The following MAD1L1 variants were observed in gnomAD, a reference collection of about 807,000 sequenced individuals.
MAD1L1 encodes mitotic spindle assembly checkpoint protein MAD1.
A neutral mutation model predicts 96.9 loss-of-function variants in MAD1L1; 95 were observed. The ratio of observed to expected loss-of-function variants is 0.98; its 90% confidence interval spans 0.83 to 1.16. The LOEUF is 1.16. Ranked by LOEUF, MAD1L1 falls within the 50% of genes most tolerant of loss-of-function variation. The probability of loss-of-function intolerance (pLI) is 0.00; values close to 1 mark genes in which losing one functional copy is unlikely to be tolerated. For synonymous variants in MAD1L1, 473 were observed against 396.6 expected (o/e 1.19, Z -2.29); for missense variants, 1,007 against 954.4 (o/e 1.06, Z -0.73).
At chr7:1,967,041 C>A (rs142816779) in intron 15 of MAD1L1, among the ~76,000 whole-genome samples, 1 of 152,166 alleles carries the variant, frequency 6.6e-6, no homozygotes, top group South Asian at 2.1e-4. Flanking sequence ...AGATAATACC[C>A]GGGTCTCTTA....
chr7:2,082,865 G>A (rs758082493), intron 11 of MAD1L1, among the ~76,000 whole-genome samples: 4 of 152,248 alleles, frequency 2.6e-5, no homozygotes, highest in Non-Finnish European at 4.4e-5. Flanking sequence ...CGCTACCTGG[G>A]TAATGAAGCA....
intron 18 of MAD1L1, among the ~76,000 whole-genome samples, chr7:1,827,854 T>G (rs1332188902): frequency 2.0e-5 from 3 of 151,764 alleles, no homozygotes; most frequent in Non-Finnish European, 2.9e-5. Context: ...CCTTTCCAGA[T>G]GTAGCCGAAT....
At chr7:1,966,889 C>G (rs1256047898) in intron 15 of MAD1L1, among the ~76,000 whole-genome samples, 1 of 152,244 alleles carries the variant, frequency 6.6e-6, no homozygotes, top group African/African-American at 2.4e-5. Flanking sequence ...AAGACGGACC[C>G]ACCCGAGGGA....
chr7:2,178,792 G>A (rs1791056339), intron 10 of MAD1L1, among the ~76,000 whole-genome samples: 2 of 151,866 alleles, frequency 1.3e-5, no homozygotes, highest in Non-Finnish European at 2.9e-5. Context: ...AGCTACCTGG[G>A]AGGCTGAGGC....
chr7:2,037,175 C>T (rs1042064114), intron 12 of MAD1L1, among the ~76,000 whole-genome samples: 1 of 151,308 alleles, frequency 6.6e-6, no homozygotes, highest in Non-Finnish European at 1.5e-5. Flanking sequence ...GTGGAAATTT[C>T]GGCTCCTTCT....
At position 2,053,520 on chromosome 7, in the gene MAD1L1, C is replaced by T. The variant is rs533378352; in HGVS notation, c.1218+15674G>A. Among the ~76,000 whole-genome samples, 8 of 152,316 alleles carry T rather than the reference C, an allele frequency of 5.3e-5. No individual in the cohort carries two copies. In the East Asian group the frequency reaches 7.7e-4, roughly 15 times the overall value. ...CGGACGCCGGGGATGATCTGGGTTC[C>T]GGGAAGTAGAGAAGCTGTGTGAAGG... On this transcript the variant is annotated intron_variant, in intron 12 of 18. Transcript: ENST00000265854.
At chr7:2,021,585 C>T (rs376184943) in intron 12 of MAD1L1, among the ~76,000 whole-genome samples, 4 of 150,952 alleles carry the variant, frequency 2.6e-5, no homozygotes, top group East Asian at 3.9e-4. Context: ...GACAATGCGG[C>T]GAAACCTCGT....
intron 10 of MAD1L1, among the ~76,000 whole-genome samples, chr7:2,165,106 A>C (rs1790360899): frequency 5.9e-5 from 9 of 152,068 alleles, no homozygotes; most frequent in Admixed American, 5.9e-4. Context: ...CTGGAGGTTG[A>C]GGCAGGAGAA....
At chr7:2,195,474 T>C (rs751422910) in intron 10 of MAD1L1, among the ~76,000 whole-genome samples, 1 of 152,146 alleles carries the variant, frequency 6.6e-6, no homozygotes, top group Non-Finnish European at 1.5e-5. Flanking sequence ...TGTCAAAATG[T>C]CCTCCAAATA....
At chr7:1,887,238 T>TG (rs899795087) in intron 18 of MAD1L1, among the ~76,000 whole-genome samples, 1 of 139,842 alleles carries the variant, frequency 7.2e-6, no homozygotes, top group African/African-American at 2.9e-5. Flanking sequence ...CATGTGTATG[T>TG]GGGGGTGGCT....
intron 11 of MAD1L1, among the ~76,000 whole-genome samples, chr7:2,100,689 C>G (rs1168455363): frequency 6.6e-6 from 1 of 152,264 alleles, no homozygotes; most frequent in Non-Finnish European, 1.5e-5. Context: ...GGAGCCGCGT[C>G]CACCCAAGCC....
At chr7:1,972,444 GGAGT>G (rs1258480682) in intron 15 of MAD1L1, among the ~76,000 whole-genome samples, 1 of 152,168 alleles carries the variant, frequency 6.6e-6, no homozygotes, top group Non-Finnish European at 1.5e-5. Flanking sequence ...TGGGTTCTGA[GGAGT>G]GAGTCCGCTG....
intron 12 of MAD1L1, among the ~76,000 whole-genome samples, chr7:2,051,546 A>G (rs1784169964): frequency 6.6e-6 from 1 of 152,092 alleles, no homozygotes; most frequent in African/African-American, 2.4e-5. Context: ...CTCACACTTA[A>G]TGCAGAAAAG....
At chr7:2,219,499 C>A in intron 5 of MAD1L1, 43 bp from the exon 6 acceptor site, 1 of 1,600,532 alleles carries the variant, frequency 6.2e-7, no homozygotes, top group Non-Finnish European at 8.5e-7. Context: ...TGAGTGGAGC[C>A]CGTGCGTGGA....
intron 15 of MAD1L1, 31 bp from the exon 16 acceptor site, chr7:1,957,750 T>A: frequency 6.2e-7 from 1 of 1,609,732 alleles, no homozygotes; most frequent in Non-Finnish European, 8.5e-7. Context: ...TGACCAGGTG[T>A]CCGAGGCCAG....
intron 13 of MAD1L1, among the ~76,000 whole-genome samples, chr7:2,006,339 G>A (rs887882176): frequency 1.3e-5 from 2 of 152,148 alleles, no homozygotes; most frequent in African/African-American, 4.8e-5. Flanking sequence ...TTGGGAGAAC[G>A]AAGGTGGCTG....
At position 2,098,647 on chromosome 7, in the gene MAD1L1, G is replaced by A. The variant is rs555347027; in HGVS notation, c.1074-29309C>T. 9.8e-5 allele frequency among the ~76,000 whole-genome samples: 15 copies of A among 152,312 alleles called. No individual in the cohort carries two copies. The South Asian group carries it at 3.1e-3, about 32-fold the overall frequency. ...GACACGTCCATCCAGCACAGCCCTG[G>A]TCACGGAGGACACGGCACATGCAAG... On this transcript the variant is annotated intron_variant, in intron 11 of 18. Coordinates refer to ENST00000265854, the MANE Select transcript of MAD1L1 (RefSeq NM_001013836.2).
chr7:2,186,279 T>C (rs1462920442), intron 10 of MAD1L1, among the ~76,000 whole-genome samples: 3 of 152,162 alleles, frequency 2.0e-5, no homozygotes, highest in South Asian at 4.1e-4. Context: ...TGTGTGTTAA[T>C]AGCAAAAAGA....
chr7:2,185,207 G>A (rs546197606), intron 10 of MAD1L1, among the ~76,000 whole-genome samples: 143 of 80,736 alleles, frequency 1.8e-3, no homozygotes, highest in African/African-American at 0.01. Context: ...ACACTCTCTT[G>A]CCTCCCCCCT....
Sources: gnomAD v4.1 joint callset for allele counts (sites outside exome capture counted in the v4.1 genomes callset) on GRCh38, gnomAD v4.1.1 for gene constraint, MANE v1.5 for transcripts, NCBI Gene and HGNC (gene_info 2026-07-23, HGNC 2026-07-21) for gene names.